AK9: variants seen among roughly 807,000 people sequenced by gnomAD.
AK9 encodes adenylate kinase 9, also known as adenylate kinase domain containing 1.
Under a neutral mutation model 239.6 loss-of-function variants are expected in AK9, and 191 were observed. The ratio of observed to expected loss-of-function variants is 0.80; its 90% CI spans 0.71 to 0.90. The LOEUF is 0.90. AK9 is among the 40% of genes least tolerant of loss of function. AK9 has a pLI of 0.00. For synonymous variants in AK9, 689 were observed against 721.0 expected, an observed-to-expected ratio of 0.96 and a Z score of 0.71; for missense variants, 1,995 against 2,214.7, an observed-to-expected ratio of 0.90 and a Z score of 1.99.
chr6:109,537,817 T>C (rs1329613632), intron 27 of AK9, among the ~76,000 whole-genome samples: 3 of 152,108 alleles, frequency 2.0e-5, no homozygotes, highest in Non-Finnish European at 4.4e-5. Flanking sequence ...TTTGTTCTCA[T>C]TGGTTTCAAA....
intron 17 of AK9, among the ~76,000 whole-genome samples, chr6:109,599,991 G>A (rs1280435532): frequency 2.0e-5 from 3 of 152,154 alleles, no homozygotes; most frequent in East Asian, 3.8e-4. Flanking sequence ...AGACGATGGG[G>A]TTTTCTAGAT....
At chr6:109,504,356 C>A (rs1267576972) in intron 35 of AK9, among the ~76,000 whole-genome samples, 1 of 151,508 alleles carries the variant, frequency 6.6e-6, no homozygotes, top group East Asian at 1.9e-4. Flanking sequence ...AGAGCAAGCC[C>A]CTGTCTCAAA....
intron 3 of AK9, among the ~76,000 whole-genome samples, chr6:109,673,990 T>C (rs1405007083): frequency 6.6e-6 from 1 of 151,338 alleles, no homozygotes; most frequent in East Asian, 1.9e-4. Flanking sequence ...AAATAATAAT[T>C]AATTAAATTA....
intron 1 of AK9, among the ~76,000 whole-genome samples, chr6:109,677,934 T>A (rs1772004887): frequency 6.6e-6 from 1 of 152,230 alleles, no homozygotes; most frequent in Non-Finnish European, 1.5e-5. Flanking sequence ...TTGGTGAGGA[T>A]GCAGAGAAAC....
In AK9 at chr6:109,493,871, CTCTT is replaced by C. The variant is rs988905668; in HGVS notation, c.5533+106_5533+109del. ...GTATTGTATTTGCTACTAACACTCT[CTCTT>C]TCTCTCTCACCAAGCAGGCAACACA... On this transcript the variant is annotated intron_variant, in intron 40 of 40. Transcript: ENST00000424296. 1.1e-4 allele frequency: 87 copies of C among 808,666 alleles called. No individual in the cohort carries two copies. The African/African-American group carries it at 1.4e-3, about 13-fold the overall frequency. The allele number at this position is 808,666 out of a possible 1,614,324, so 50.1% of individuals were successfully genotyped here. A position where few individuals can be genotyped will look rare whatever the true frequency, so the allele number is the denominator to read the frequency against.
intron 17 of AK9, among the ~76,000 whole-genome samples, chr6:109,602,742 C>T (rs1792206628): frequency 6.6e-6 from 1 of 152,286 alleles, no homozygotes; most frequent in East Asian, 1.9e-4. Context: ...TTCACATAGT[C>T]CCATATTTCT....
chr6:109,601,216 T>C (rs1450611408), intron 17 of AK9, among the ~76,000 whole-genome samples: 1 of 152,234 alleles, frequency 6.6e-6, no homozygotes, highest in African/African-American at 2.4e-5. Flanking sequence ...GGGCATTTAG[T>C]GCTATAAATT....
At chr6:109,532,373 C>T (rs923071258) in intron 28 of AK9, among the ~76,000 whole-genome samples, 2 of 152,204 alleles carry the variant, frequency 1.3e-5, no homozygotes, top group South Asian at 4.1e-4. Flanking sequence ...GCCCTTCAGA[C>T]GTTTAACACT....
chr6:109,637,498 C>T (rs917174750), intron 10 of AK9, among the ~76,000 whole-genome samples: 13 of 152,094 alleles, frequency 8.5e-5, no homozygotes, highest in African/African-American at 3.1e-4. Context: ...CCACCATGCC[C>T]GGCTTCTACT....
At chr6:109,674,453 T>C (rs1181505078) in intron 2 of AK9, among the ~76,000 whole-genome samples, 192 bp from the exon 3 acceptor site, 1 of 152,144 alleles carries the variant, frequency 6.6e-6, no homozygotes, top group East Asian at 1.9e-4. Flanking sequence ...ATATGTCACA[T>C]CTCCTAAAGT....
In AK9 at chr6:109,546,049, A is replaced by AT; in HGVS notation, c.3042dup (p.Leu1015IlefsTer9). 1 of 1,497,118 alleles carries AT rather than the reference A, an allele frequency of 6.7e-7. No homozygotes were observed. Among genetic ancestry groups the AT allele is most frequent in the Non-Finnish European group, 9.0e-7 (1 of 1,108,622 alleles). 92.7% of individuals were successfully genotyped at this position (1,497,118 alleles called of 1,614,324 possible). ...TCAAACTGAATGTGAAAAATGTTTA[A>AT]TTTTTCTGCCAACTGTCTTCCACAC... On this transcript the variant is annotated frameshift_variant, in exon 26 of 41. Transcript: ENST00000424296. LOFTEE classifies it high-confidence loss of function.
chr6:109,600,644 G>A (rs577428228), intron 17 of AK9, among the ~76,000 whole-genome samples: 2 of 152,296 alleles, frequency 1.3e-5, no homozygotes, highest in Admixed American at 1.3e-4. Flanking sequence ...ATTAGTTTCA[G>A]AAGGAATGGT....
Position 109,493,359 on chromosome 6 carries a change from C to G in AK9, c.*10G>C. The stretch of plus-strand genomic sequence containing the variant: ...ACTCTTGAGATTCAGGCTGCTATCA[C>G]CTAAGTAAACTACCCATTAATTGGG... On this transcript the variant is annotated 3_prime_UTR_variant, in exon 41 of 41. Coordinates refer to ENST00000424296, the MANE Select transcript of AK9 (RefSeq NM_001145128.3). The G allele has an allele frequency of 6.2e-7, 1 of 1,609,298 alleles. No individual in the cohort carries two copies. Among genetic ancestry groups the G allele is most frequent in the Non-Finnish European group, 8.5e-7 (1 of 1,176,016 alleles).
At position 109,663,392 on chromosome 6, in the gene AK9, C is replaced by T. The variant is rs116773856; in HGVS notation, c.332-729G>A. Among the ~76,000 whole-genome samples, 568 of 152,212 alleles carry T rather than the reference C, an allele frequency of 3.7e-3. 3 individuals are homozygous for T. The highest frequency in any genetic ancestry group is 0.013 in the African/African-American group (544 of 41,542). ...CATCTTTTCTTGGAAGAACAACAGA[C>T]AAACTATGTTTATTCAGCCCTGGGT... On this transcript the variant is annotated intron_variant, in intron 5 of 40. Transcript: ENST00000424296.
chr6:109,654,268 T>G (rs764146929), intron 8 of AK9, among the ~76,000 whole-genome samples: 5 of 152,198 alleles, frequency 3.3e-5, no homozygotes, highest in Non-Finnish European at 5.9e-5. Flanking sequence ...TATATCAGCA[T>G]TATTCACTTA....
chr6:109,567,546 T>C (rs1213061614), intron 21 of AK9, among the ~76,000 whole-genome samples: 8 of 151,408 alleles, frequency 5.3e-5, no homozygotes, highest in Non-Finnish European at 8.8e-5. Context: ...TTCCAATCAA[T>C]GGGAAAAGGG....
chr6:109,540,889 A>C (rs899581544), intron 27 of AK9, among the ~76,000 whole-genome samples: 129 of 152,190 alleles, frequency 8.5e-4, no homozygotes, highest in African/African-American at 2.6e-3. Flanking sequence ...AAAGTTGTGG[A>C]GTTTCTCCAT....
chr6:109,508,043 A>G lies in AK9; in HGVS notation c.4481+1136T>C, dbSNP rs529064696. Among the ~76,000 whole-genome samples the G allele has an allele frequency of 3.3e-5, 5 of 152,312 alleles. No individual in the cohort carries two copies. The South Asian group carries it at 8.3e-4, about 25-fold the overall frequency. On this transcript the variant is annotated intron_variant, in intron 33 of 40. Coordinates refer to ENST00000424296, the MANE Select transcript of AK9 (RefSeq NM_001145128.3). ...ACCATGTGGCTTCGCTGGAGTCTCC[A>G]TGAATCTGCTGTGATTCTGGGGGCT...
At chr6:109,499,268 T>G in intron 35 of AK9, 28 bp from the exon 36 acceptor site, 3 of 1,391,324 alleles carry the variant, frequency 2.2e-6, no homozygotes, top group Non-Finnish European at 2.8e-6. Flanking sequence ...ACTATTATCA[T>G]GTATATATTT....
Sources: gnomAD v4.1 joint callset for allele counts (sites outside exome capture counted in the v4.1 genomes callset) on GRCh38, gnomAD v4.1.1 for gene constraint, MANE v1.5 for transcripts, NCBI Gene and HGNC (gene_info 2026-07-23, HGNC 2026-07-21) for gene names.